The following RGS7BP variants were observed in gnomAD, a reference collection of about 807,000 sequenced individuals.
RGS7BP encodes the protein regulator of G protein signaling 7 binding protein, also known as regulator of G protein signaling 7-binding protein.
A neutral mutation model predicts 31.3 loss-of-function variants in RGS7BP; 9 were observed. The observed-to-expected ratio is 0.29, with a 90% CI of 0.17 to 0.50. The LOEUF (loss-of-function observed/expected upper bound fraction) is 0.50, where lower values mean the gene tolerates loss of function less well. Ranked by LOEUF, RGS7BP falls within the 20% of genes least tolerant of loss-of-function variation. The probability of loss-of-function intolerance (pLI) is 0.98; values close to 1 mark genes in which losing one functional copy is unlikely to be tolerated. For missense variants in RGS7BP, 274 were observed against 322.0 expected (o/e 0.85, Z 1.14); for synonymous variants, 115 against 120.1 (o/e 0.96, Z 0.28).
At chr5:64,579,779 T>C (rs931178824) in intron 3 of RGS7BP, among the ~76,000 whole-genome samples, 9 of 152,160 alleles carry the variant, frequency 5.9e-5, no homozygotes, top group Non-Finnish European at 1.3e-4. Flanking sequence ...CATTTTTTAA[T>C]TTTTTAGTTA....
At chr5:64,517,972 C>A (rs1190919081) in intron 2 of RGS7BP, among the ~76,000 whole-genome samples, 1 of 152,032 alleles carries the variant, frequency 6.6e-6, no homozygotes, top group East Asian at 1.9e-4. Context: ...GAGTTAAAAT[C>A]TGATAAACTG....
In RGS7BP at chr5:64,506,043, T is replaced by C. The variant is rs1344177284; in HGVS notation, c.-582T>C. Among the ~76,000 whole-genome samples the C allele has an allele frequency of 6.6e-6, 1 of 152,110 alleles. No homozygotes were observed. The highest frequency in any genetic ancestry group is 2.4e-5 in the African/African-American group (1 of 41,414). ...CCCGCCACAGATTCATCTGGGATCT[T>C]CAAACAGACAAGCCCTTAGAGACGA... On this transcript the variant is annotated 5_prime_UTR_variant, in exon 1 of 6. Coordinates refer to ENST00000334025, the MANE Select transcript of RGS7BP (RefSeq NM_001029875.3). This position sits in a 1 kb window ranked among gnomAD's most constrained non-coding sequence, Gnocchi z 4.6.
chr5:64,593,338 T>G (rs1355562482), intron 3 of RGS7BP, among the ~76,000 whole-genome samples: 1 of 152,212 alleles, frequency 6.6e-6, no homozygotes, highest in East Asian at 1.9e-4. Context: ...AGGAAAAAAC[T>G]TCCTGTTAGA....
intron 5 of RGS7BP, among the ~76,000 whole-genome samples, chr5:64,605,251 T>C (rs1743323645): frequency 6.6e-6 from 1 of 152,172 alleles, no homozygotes; most frequent in Non-Finnish European, 1.5e-5. Context: ...AGAAGCCACA[T>C]CTAAACAAAA....
At chr5:64,596,054 A>G (rs897564677) in intron 4 of RGS7BP, among the ~76,000 whole-genome samples, 1 of 152,226 alleles carries the variant, frequency 6.6e-6, no homozygotes, top group African/African-American at 2.4e-5. Flanking sequence ...CTCTGTTCCC[A>G]GGGAAAAAAA....
intron 2 of RGS7BP, among the ~76,000 whole-genome samples, chr5:64,549,692 T>A (rs1580420834): frequency 2.0e-5 from 3 of 152,324 alleles, no homozygotes; most frequent in Admixed American, 2.0e-4. Flanking sequence ...GCTCATATAA[T>A]CCCATAAGCT....
At chr5:64,574,413 G>A (rs907406700) in intron 2 of RGS7BP, among the ~76,000 whole-genome samples, 3 of 152,124 alleles carry the variant, frequency 2.0e-5, no homozygotes, top group African/African-American at 4.8e-5. Context: ...AAAAAACCCC[G>A]ATATTTTCCC....
At chr5:64,547,091 A>G in intron 2 of RGS7BP, among the ~76,000 whole-genome samples, 1 of 152,144 alleles carries the variant, frequency 6.6e-6, no homozygotes, top group Non-Finnish European at 1.5e-5. Flanking sequence ...CTTCTTTATT[A>G]CTGTATTTCA....
At chr5:64,595,486 TGAAAA>T (rs954664808) in intron 4 of RGS7BP, among the ~76,000 whole-genome samples, 2 of 152,114 alleles carry the variant, frequency 1.3e-5, no homozygotes, top group Admixed American at 6.6e-5. Context: ...GTTTCTTTCT[TGAAAA>T]GAAGAGACTC....
At chr5:64,567,788 C>T (rs928289741) in intron 2 of RGS7BP, among the ~76,000 whole-genome samples, 19 of 152,012 alleles carry the variant, frequency 1.2e-4, no homozygotes, top group African/African-American at 4.3e-4. Context: ...ATGTATTGAC[C>T]CCTAAAATTC....
intron 3 of RGS7BP, among the ~76,000 whole-genome samples, chr5:64,586,342 C>G (rs563494815): frequency 2.0e-5 from 3 of 152,156 alleles, no homozygotes; most frequent in Non-Finnish European, 4.4e-5. Flanking sequence ...TGCCCTACCC[C>G]ACTTGAATCA....
rs75315190 is a variant in RGS7BP at position 64,599,169 on chromosome 5, C to G, written c.682+734C>G. 6.0e-3 allele frequency among the ~76,000 whole-genome samples: 918 copies of G among 152,326 alleles called. 8 individuals carry two copies. The highest frequency in any genetic ancestry group is 0.021 in the African/African-American group (865 of 41,570). ...CTGTCACAATCGATGTTTGTTAAAT[C>G]TGCACCTACCTTTGCAGCCCCAGAG... On this transcript the variant is annotated intron_variant, in intron 5 of 5. Transcript: ENST00000334025.
chr5:64,533,523 G>T (rs143417192), intron 2 of RGS7BP, among the ~76,000 whole-genome samples: 1 of 152,172 alleles, frequency 6.6e-6, no homozygotes, highest in South Asian at 2.1e-4. Flanking sequence ...GGGACCACCT[G>T]GGGGGTGGGA....
intron 2 of RGS7BP, among the ~76,000 whole-genome samples, chr5:64,540,938 C>A (rs1172278376): frequency 1.3e-5 from 2 of 152,178 alleles, no homozygotes; most frequent in Non-Finnish European, 2.9e-5. Context: ...GTGATATCAC[C>A]ATGCTTAGTC....
chr5:64,596,078 G>A (rs1743057983), intron 4 of RGS7BP, among the ~76,000 whole-genome samples: 1 of 152,200 alleles, frequency 6.6e-6, no homozygotes, highest in Non-Finnish European at 1.5e-5. Context: ...CTGCTGAAAT[G>A]CCATATCAGG....
At chr5:64,569,219 A>G (rs1814198) in intron 2 of RGS7BP, among the ~76,000 whole-genome samples, 125,401 of 152,050 alleles carry the variant, frequency 0.82, 51,968 homozygotes, top group Admixed American at 0.85. Context: ...CATGCTGTGA[A>G]GAGAGGGGAA....
In RGS7BP at chr5:64,533,523, G is replaced by C. The variant is rs143417192; in HGVS notation, c.332+25646G>C. ...CGACCCACATCAATTGGGACCACCT[G>C]GGGGGTGGGATCGAAGCCCTGCCCC... On this transcript the variant is annotated intron_variant, in intron 2 of 5. Transcript: ENST00000334025. 9.5e-3 allele frequency among the ~76,000 whole-genome samples: 1,442 copies of C among 152,284 alleles called. 18 individuals carry two copies. The highest frequency in any genetic ancestry group is 0.033 in the African/African-American group (1,357 of 41,564).
chr5:64,521,071 T>A (rs976091609), intron 2 of RGS7BP, among the ~76,000 whole-genome samples: 1 of 152,220 alleles, frequency 6.6e-6, no homozygotes, highest in Non-Finnish European at 1.5e-5. Context: ...GCCTCCCTCA[T>A]GAGATTTCTA....
At chr5:64,585,500 AAG>A (rs1742722752) in intron 3 of RGS7BP, among the ~76,000 whole-genome samples, 1 of 152,050 alleles carries the variant, frequency 6.6e-6, no homozygotes, top group Non-Finnish European at 1.5e-5. Flanking sequence ...TGGGAGAAAT[AAG>A]AGATGAGAAG....
Sources: allele counts gnomAD v4.1 joint callset (sites outside exome capture counted in the v4.1 genomes callset), GRCh38; gene constraint gnomAD v4.1.1; non-coding constraint Gnocchi (gnomAD v3.1); transcripts MANE v1.5; gene names NCBI Gene and HGNC (gene_info 2026-07-23, HGNC 2026-07-21).